The following SLC27A2 variants were observed in gnomAD, a reference collection of about 807,000 sequenced individuals.
The protein encoded by SLC27A2 is long-chain fatty acid transport protein 2.
A neutral mutation model predicts 60.0 loss-of-function variants in SLC27A2; 54 were observed. The observed-to-expected ratio is 0.90, with a 90% confidence interval of 0.72 to 1.13. The LOEUF (loss-of-function observed/expected upper bound fraction) is 1.13. Ranked by LOEUF, SLC27A2 falls within the 50% of genes most tolerant of loss-of-function variation. SLC27A2 has a pLI of 0.00. For missense variants in SLC27A2, 739 were observed against 777.6 expected (o/e 0.95, Z 0.59); for synonymous variants, 297 against 297.6 (o/e 1.00, Z 0.02).
chr15:50,228,859 A>G lies in SLC27A2; in HGVS notation c.1458-86A>G, dbSNP rs1595692891. Reference sequence around the variant, plus strand: ...GAACACGAGATCAGGATCATGCAGAAATCTAAAGGAAACACCAGCTCTCCG... The same window carrying G: ...GAACACGAGATCAGGATCATGCAGAGATCTAAAGGAAACACCAGCTCTCCG... On this transcript the variant is annotated intron_variant, in intron 7 of 9. Transcript: ENST00000267842. 5 of 885,008 alleles carry G rather than the reference A, an allele frequency of 5.6e-6. No homozygotes were observed. In the East Asian group the frequency reaches 1.2e-4, roughly 22 times the overall value. The allele number at this position is 885,008 out of a possible 1,614,324, so 54.8% of individuals were successfully genotyped here.
chr15:50,190,561 A>G (rs1170451840), intron 1 of SLC27A2, among the ~76,000 whole-genome samples: 1 of 151,870 alleles, frequency 6.6e-6, no homozygotes, highest in East Asian at 1.9e-4. Context: ...CACCTACCCA[A>G]TCTCTCTGCC....
intron 2 of SLC27A2, among the ~76,000 whole-genome samples, chr15:50,198,781 T>C (rs1191378270): frequency 6.6e-6 from 1 of 152,152 alleles, no homozygotes; most frequent in Non-Finnish European, 1.5e-5. Context: ...ATACAGGTCT[T>C]CTCCTTGTTA....
chr15:50,188,479 C>G (rs1343594001), intron 1 of SLC27A2, among the ~76,000 whole-genome samples: 2 of 152,158 alleles, frequency 1.3e-5, no homozygotes, highest in Non-Finnish European at 2.9e-5. Context: ...TTTTCTAATG[C>G]CAACTTTAGT....
chr15:50,233,462 A>G lies in SLC27A2; in HGVS notation c.1556-406A>G, dbSNP rs1443596552. On this transcript the variant is annotated intron_variant, in intron 8 of 9. Transcript: ENST00000267842. ...AGAAAGAAGGATGATGGTTATAAGC[A>G]CAGGATCTGGAGCCAGGCTGCCTGA... Among the ~76,000 whole-genome samples the G allele has an allele frequency of 2.6e-5, 4 of 152,204 alleles. No homozygotes were observed. The East Asian group carries it at 7.7e-4, about 29-fold the overall frequency.
intron 1 of SLC27A2, among the ~76,000 whole-genome samples, chr15:50,190,401 TG>T (rs2044963989): frequency 6.6e-6 from 1 of 152,176 alleles, no homozygotes; most frequent in Non-Finnish European, 1.5e-5. Context: ...TAAATATTTC[TG>T]GGGTGTTTTG....
At chr15:50,183,994 C>CTTTTTTTTTT (rs577766814) in intron 1 of SLC27A2, among the ~76,000 whole-genome samples, 31,632 of 90,498 alleles carry the variant, frequency 0.35, 9,801 homozygotes, top group Non-Finnish European at 0.49. Context: ...TTTCCTACAT[C>CTTTTTTTTTT]TTTTTTTTTT....
rs2140911469 is a variant in SLC27A2 at position 50,223,164 on chromosome 15, G to A, written c.1167+5G>A. On this transcript the variant is annotated splice_donor_5th_base_variant and intron_variant, in intron 5 of 9. Transcript: ENST00000267842. Reference sequence around the variant, plus strand: ...AGAGTAAACTACCTACAGAAAGTAAGTACATTGAAAAATGAGAGCATACGT... The same window carrying A: ...AGAGTAAACTACCTACAGAAAGTAAATACATTGAAAAATGAGAGCATACGT... 2 of 1,602,784 alleles carry A rather than the reference G, an allele frequency of 1.2e-6. No individual in the cohort carries two copies. The highest frequency in any genetic ancestry group is 1.3e-5 in the African/African-American group (1 of 74,586).
intron 1 of SLC27A2, among the ~76,000 whole-genome samples, chr15:50,184,467 TAC>T (rs2044902725): frequency 6.6e-6 from 1 of 152,234 alleles, no homozygotes; most frequent in East Asian, 1.9e-4. Context: ...CCAGGAATCT[TAC>T]ACACCTGCTT....
intron 8 of SLC27A2, among the ~76,000 whole-genome samples, chr15:50,231,691 T>C (rs1285211096): frequency 6.6e-6 from 1 of 152,116 alleles, no homozygotes; most frequent in East Asian, 1.9e-4. Context: ...GTGAATCTAA[T>C]GATCAGTGAG....
intron 4 of SLC27A2, among the ~76,000 whole-genome samples, chr15:50,222,392 T>G (rs2045249379): frequency 6.6e-6 from 1 of 152,214 alleles, no homozygotes; most frequent in South Asian, 2.1e-4. Flanking sequence ...CTGTTGCTCT[T>G]TAATGGCTTT....
At chr15:50,224,587 C>T (rs17416283) in intron 5 of SLC27A2, among the ~76,000 whole-genome samples, 172 of 152,260 alleles carry the variant, frequency 1.1e-3, no homozygotes, top group Non-Finnish European at 1.7e-3. Flanking sequence ...AAGGTGTTCC[C>T]AAGTTCAAGG....
chr15:50,231,433 G>A (rs1477561478), intron 8 of SLC27A2, among the ~76,000 whole-genome samples: 1 of 152,110 alleles, frequency 6.6e-6, no homozygotes, highest in East Asian at 1.9e-4. Context: ...TTACAGGCAT[G>A]AGCCACCACG....
chr15:50,200,565 A>C (rs2045056129), intron 2 of SLC27A2, among the ~76,000 whole-genome samples: 1 of 152,196 alleles, frequency 6.6e-6, no homozygotes, highest in South Asian at 2.1e-4. Context: ...CTATTTGGGC[A>C]CTATCTGGTG....
At chr15:50,193,558 G>A (rs2044991382) in intron 1 of SLC27A2, among the ~76,000 whole-genome samples, 1 of 152,208 alleles carries the variant, frequency 6.6e-6, no homozygotes, top group African/African-American at 2.4e-5. Context: ...TTCTTTAGCA[G>A]TAGGAGTTGT....
Position 50,231,143 on chromosome 15 carries a change from T to TTTTTC in SLC27A2, c.1555+2105_1555+2106insCTTTT, listed in dbSNP as rs1491043785. Among the ~76,000 whole-genome samples, 10 of 64,612 alleles carry TTTTTC rather than the reference T, an allele frequency of 1.5e-4. No individual in the cohort carries two copies. The East Asian group carries it at 6.1e-3, about 39-fold the overall frequency. The allele number at this position is 64,612 out of a possible 152,430, so 42.4% of individuals were successfully genotyped here. On this transcript the variant is annotated intron_variant, in intron 8 of 9. Transcript: ENST00000267842. ...GTAAAATACCACTGAATTGTACACT[T>TTTTTC]TTTTTTTTTTTTTTTTTTGAGACGG... is the stretch of plus-strand genomic sequence containing the variant.
Position 50,182,516 on chromosome 15 carries a change from T to C in SLC27A2, c.89T>C (p.Ile30Thr). The change falls in exon 1 of 10, where the codon ATA becomes ACA. Residue 30 changes from isoleucine to threonine, a missense_variant. Ile to Thr is a moderately conservative substitution (Grantham distance 89). Transcript: ENST00000267842. ...TGCTGCCCATACTTCTTCCAGGACA[T>C]AGGCTACTTCTTGAAGGTGGCCGCC... ...NLCCPYFFQDIGYFLKVAAVG... is the reference protein window; with the variant it reads ...NLCCPYFFQDTGYFLKVAAVG... The C allele has an allele frequency of 6.2e-7, 1 of 1,612,490 alleles. No individual in the cohort carries two copies.
intron 1 of SLC27A2, among the ~76,000 whole-genome samples, chr15:50,196,535 A>C (rs1157918926): frequency 6.6e-6 from 1 of 152,202 alleles, no homozygotes; most frequent in East Asian, 1.9e-4. Context: ...AGAGATTCAG[A>C]AAATGATGCT....
intron 8 of SLC27A2, among the ~76,000 whole-genome samples, chr15:50,231,488 TTA>T (rs1318114247): frequency 1.3e-5 from 2 of 152,052 alleles, no homozygotes; most frequent in African/African-American, 4.8e-5. Context: ...ATGATAAATT[TTA>T]TGTTATGTGT....
chr15:50,205,161 A>G (rs570449594), intron 3 of SLC27A2, 78 bp from the exon 4 acceptor site: 5 of 1,509,162 alleles, frequency 3.3e-6, no homozygotes, highest in African/African-American at 2.8e-5. Context: ...TCTACCGTTC[A>G]AAGTTGACAA....
Sources: allele counts gnomAD v4.1 joint callset (sites outside exome capture counted in the v4.1 genomes callset), GRCh38; gene constraint gnomAD v4.1.1; transcripts MANE v1.5; gene names NCBI Gene and HGNC (gene_info 2026-07-23, HGNC 2026-07-21).